Variants in BDNF observed in about 807,000 individuals in gnomAD.
BDNF encodes brain derived neurotrophic factor, also known as neurotrophic factor BDNF precursor form.
Under a neutral mutation model 19.5 loss-of-function variants are expected in BDNF, and 1 was observed. The observed-to-expected ratio is 0.05, with a 90% CI of 0.02 to 0.24. The LOEUF (loss-of-function observed/expected upper bound fraction) is 0.24, where lower values mean the gene tolerates loss of function less well. BDNF is among the 10% of genes least tolerant of loss of function. BDNF has a pLI of 1.00. For missense variants in BDNF, 195 were observed against 317.6 expected, an observed-to-expected ratio of 0.61 and a Z score of 2.93; for synonymous variants, 100 against 121.6, an observed-to-expected ratio of 0.82 and a Z score of 1.17.
intron 1 of BDNF, among the ~76,000 whole-genome samples, chr11:27,670,087 C>A (rs1392680418): frequency 6.6e-6 from 1 of 151,992 alleles, no homozygotes; most frequent in Non-Finnish European, 1.5e-5. Context: ...CAGAACAGAG[C>A]CCTCAGAAAC....
intron 1 of BDNF, among the ~76,000 whole-genome samples, chr11:27,678,896 C>T (rs1283109321): frequency 6.6e-6 from 1 of 152,180 alleles, no homozygotes; most frequent in Non-Finnish European, 1.5e-5. Flanking sequence ...TGTATCACAA[C>T]ATTAAACTAA....
At chr11:27,694,827 T>C (rs886648672) in intron 1 of BDNF, among the ~76,000 whole-genome samples, 3 of 152,306 alleles carry the variant, frequency 2.0e-5, no homozygotes, top group African/African-American at 7.2e-5. Context: ...TTTGGTGTTA[T>C]TGTATCTCAG....
intron 1 of BDNF, among the ~76,000 whole-genome samples, chr11:27,663,365 G>T (rs1034026576): frequency 6.6e-6 from 1 of 152,202 alleles, no homozygotes; most frequent in Non-Finnish European, 1.5e-5. Flanking sequence ...TAGCCCCACT[G>T]TCAGGAAATT....
At chr11:27,660,262 T>A (rs1225654642) in intron 1 of BDNF, 1 of 1,254,292 alleles carries the variant, frequency 8.0e-7, no homozygotes, top group African/African-American at 1.6e-5. Context: ...TAAGAGACTT[T>A]ATTACCATCC....
chr11:27,678,768 G>GAGAC (rs1856501418), intron 1 of BDNF, among the ~76,000 whole-genome samples: 1 of 151,950 alleles, frequency 6.6e-6, no homozygotes, highest in Non-Finnish European at 1.5e-5. Context: ...CCCAAATGTA[G>GAGAC]AGACTAAATG....
intron 1 of BDNF, among the ~76,000 whole-genome samples, chr11:27,715,950 G>T (rs1214207813): frequency 6.6e-6 from 1 of 152,096 alleles, no homozygotes; most frequent in Admixed American, 6.6e-5. Context: ...TCTCTTATAG[G>T]ATTGTTTTAT....
chr11:27,663,034 A>C (rs1590241130), intron 1 of BDNF, among the ~76,000 whole-genome samples: 1 of 152,246 alleles, frequency 6.6e-6, no homozygotes, highest in East Asian at 1.9e-4. Context: ...AGACTTGGGA[A>C]GTAATAACAA....
rs10626744 is a variant in BDNF at position 27,698,226 on chromosome 11, C to CAAAAAAAAAAAAAAA, written c.-22+1923_-22+1937dup. ...CCTGCTAACCCAGAGGTAAATTTCC[C>CAAAAAAAAAAAAAAA]AAAAAAAAAAAAAAAAAAAAAAAAA... On this transcript the variant is annotated intron_variant, in intron 1 of 1. Transcript: ENST00000356660. 28 of 80,784 alleles carry CAAAAAAAAAAAAAAA rather than the reference C, an allele frequency of 3.5e-4. 9 individuals carry two copies. Among genetic ancestry groups the CAAAAAAAAAAAAAAA allele is most frequent in the Non-Finnish European group, 5.3e-4 (22 of 41,288 alleles). 5.0% of individuals were successfully genotyped at this position (80,784 alleles called of 1,614,324 possible).
intron 1 of BDNF, among the ~76,000 whole-genome samples, chr11:27,667,132 A>T (rs1004681710): frequency 6.6e-6 from 1 of 152,200 alleles, no homozygotes; most frequent in Non-Finnish European, 1.5e-5. Flanking sequence ...TAAAGAAAAG[A>T]ATTTTCAACC....
In BDNF at chr11:27,655,369, A is replaced by G. The variant is rs1402109322; in HGVS notation, c.*2452T>C. 1.3e-5 allele frequency: 2 copies of G among 152,578 alleles called. No individual in the cohort carries two copies. Among genetic ancestry groups the G allele is most frequent in the Admixed American group, 1.3e-4 (2 of 15,282 alleles). The allele number at this position is 152,578 out of a possible 1,614,324, so 9.5% of individuals were successfully genotyped here. On this transcript the variant is annotated 3_prime_UTR_variant, in exon 2 of 2. Transcript: ENST00000356660. ...GGGTAAAAGAGCCACTGACCACACA[A>G]TTGCTGGATGTGTCTCCTATGAAAC... is the stretch of plus-strand genomic sequence containing the variant.
At position 27,700,210 on chromosome 11, in the gene BDNF, T is replaced by G; in HGVS notation, c.-68A>C. 1.0e-6 allele frequency: 1 copy of G among 985,708 alleles called. No individual in the cohort carries two copies. The highest frequency in any genetic ancestry group is 1.2e-6 in the Non-Finnish European group (1 of 830,266). The allele number at this position is 985,708 out of a possible 1,614,324, so 61.1% of individuals were successfully genotyped here. A position where few individuals can be genotyped will look rare whatever the true frequency, so the allele number is the denominator to read the frequency against. On this transcript the variant is annotated 5_prime_UTR_variant, in exon 1 of 2. An upstream start codon of the reference 5' UTR is lost. Coordinates refer to ENST00000356660, the MANE Select transcript of BDNF (RefSeq NM_001709.5). The stretch of plus-strand genomic sequence containing the variant: ...ACGGGTCCCCGGCGGCGGAGTCACA[T>G]CGTGGTTCCGATTCTGGCTCCAGCG...
chr11:27,697,283 C>T (rs900693859), intron 1 of BDNF, among the ~76,000 whole-genome samples: 3 of 152,064 alleles, frequency 2.0e-5, no homozygotes. Flanking sequence ...GCTCACTGTG[C>T]GTGCTGAACT....
chr11:27,668,610 C>T (rs1300516345), intron 1 of BDNF, among the ~76,000 whole-genome samples: 1 of 152,140 alleles, frequency 6.6e-6, no homozygotes, highest in Non-Finnish European at 1.5e-5. Context: ...ATACAAACTA[C>T]CATCAGAGAA....
At chr11:27,660,677 C>T (rs142072499) in intron 1 of BDNF, among the ~76,000 whole-genome samples, 6 of 149,866 alleles carry the variant, frequency 4.0e-5, no homozygotes, top group African/African-American at 1.5e-4. Flanking sequence ...CATATTTAAT[C>T]AAATCTAAGA....
intron 1 of BDNF, among the ~76,000 whole-genome samples, chr11:27,717,700 G>C (rs72881274): frequency 0.056 from 8,519 of 152,142 alleles, 596 homozygotes; most frequent in African/African-American, 0.17. Context: ...TCACCTTCTA[G>C]TCTTCTGACT....
Position 27,656,560 on chromosome 11 carries a change from G to A in BDNF, c.*1261C>T, listed in dbSNP as rs143934500. ...GGATGGCCACTCAGAAATTCCTCCC[G>A]CACTGCCGGTAAATGCAATGCCAAC... On this transcript the variant is annotated 3_prime_UTR_variant, in exon 2 of 2. Coordinates refer to ENST00000356660, the MANE Select transcript of BDNF (RefSeq NM_001709.5). The A allele has an allele frequency of 4.6e-4, 458 of 985,668 alleles. 2 individuals carry two copies. In the African/African-American group the frequency reaches 7.5e-3, roughly 16 times the overall value. The allele number at this position is 985,668 out of a possible 1,614,324, so 61.1% of individuals were successfully genotyped here.
At chr11:27,687,951 C>A (rs892695467) in intron 1 of BDNF, among the ~76,000 whole-genome samples, 3 of 152,186 alleles carry the variant, frequency 2.0e-5, no homozygotes, top group African/African-American at 7.2e-5. Context: ...GGGAGATCCA[C>A]TGCTCTCTTC....
rs1316009052 is a variant in BDNF at position 27,655,776 on chromosome 11, G to A, written c.*2045C>T. The A allele has an allele frequency of 1.3e-5, 2 of 152,160 alleles. No individual in the cohort carries two copies. The highest frequency in any genetic ancestry group is 2.4e-5 in the African/African-American group (1 of 41,426). 9.4% of individuals were successfully genotyped at this position (152,160 alleles called of 1,614,324 possible). A position where few individuals can be genotyped will look rare whatever the true frequency, so the allele number is the denominator to read the frequency against. Reference sequence around the variant, plus strand: ...GGCTTTCTGATACTTAAGGATGCTGGTCCAAGTGGTGATCACTAACATTTT... The same window carrying A: ...GGCTTTCTGATACTTAAGGATGCTGATCCAAGTGGTGATCACTAACATTTT... On this transcript the variant is annotated 3_prime_UTR_variant, in exon 2 of 2. Coordinates refer to ENST00000356660, the MANE Select transcript of BDNF (RefSeq NM_001709.5).
At chr11:27,708,536 T>C (rs985655790) in intron 1 of BDNF, among the ~76,000 whole-genome samples, 2 of 152,142 alleles carry the variant, frequency 1.3e-5, no homozygotes. Context: ...TTCATATTGT[T>C]ATTTATATGA....
Sources: gnomAD v4.1 joint callset for allele counts (sites outside exome capture counted in the v4.1 genomes callset) on GRCh38, gnomAD v4.1.1 for gene constraint, MANE v1.5 for transcripts, NCBI Gene and HGNC (gene_info 2026-07-23, HGNC 2026-07-21) for gene names.